CARS1: variants seen among roughly 807,000 people sequenced by gnomAD.
The protein encoded by CARS1 is cysteinyl-tRNA synthetase 1, also known as cysteine--tRNA ligase, cytoplasmic.
A neutral mutation model predicts 106.2 loss-of-function variants in CARS1; 48 were observed. That is an observed-to-expected ratio of 0.45 (90% CI 0.36 to 0.57). CARS1 has a LOEUF of 0.57. Among genes scored for constraint, CARS1 ranks in the 20% least tolerant of loss-of-function variants. The pLI is 0.00. For synonymous variants in CARS1, 409 were observed against 403.4 expected, an observed-to-expected ratio of 1.01 and a Z score of -0.17; for missense variants, 968 against 1,057.2, an observed-to-expected ratio of 0.92 and a Z score of 1.17.
intron 18 of CARS1, chr11:3,007,307 G>A (rs111240166): frequency 7.5e-4 from 271 of 363,676 alleles, no homozygotes; most frequent in Non-Finnish European, 1.2e-3. Context: ...GCAGGGGTGG[G>A]AGGGTCAGGA....
chr11:3,052,308 G>A lies in CARS1; in HGVS notation c.26-4307C>T, dbSNP rs1855781200. Among the ~76,000 whole-genome samples, 3 of 152,156 alleles carry A rather than the reference G, an allele frequency of 2.0e-5. No homozygotes were observed. The highest frequency in any genetic ancestry group is 2.0e-4 in the Admixed American group (3 of 15,268). On this transcript the variant is annotated intron_variant, in intron 1 of 22. Transcript: ENST00000380525. This position sits in a 1 kb window ranked among gnomAD's most constrained non-coding sequence, Gnocchi z 4.6. ...CTCATAACATCAGCCCTGTAAAGCT[G>A]CAGGCCATTAAGTCAAATGACACTT...
Position 3,028,728 on chromosome 11 carries a change from G to C in CARS1, c.1031+268C>G. 1 of 506,958 alleles carries C rather than the reference G, an allele frequency of 2.0e-6. No individual in the cohort carries two copies. Among genetic ancestry groups the C allele is most frequent in the Admixed American group, 3.5e-5 (1 of 28,170 alleles). The allele number at this position is 506,958 out of a possible 1,614,324, so 31.4% of individuals were successfully genotyped here. A position where few individuals can be genotyped will look rare whatever the true frequency, so the allele number is the denominator to read the frequency against. ...TCGCACTCACCATTATGCAGCTCTG[G>C]GGCCCCATGACTGATGGTCTTGGCT... On this transcript the variant is annotated intron_variant, in intron 9 of 22. Coordinates refer to ENST00000380525, the MANE Select transcript of CARS1 (RefSeq NM_001014437.3). The surrounding 1 kb of genome is among the most constrained non-coding windows in gnomAD (Gnocchi z 4.4).
At position 3,048,342 on chromosome 11, in the gene CARS1, T is replaced by C. The variant is rs1855324157; in HGVS notation, c.26-341A>G. On this transcript the variant is annotated intron_variant, in intron 1 of 22. Coordinates refer to ENST00000380525, the MANE Select transcript of CARS1 (RefSeq NM_001014437.3). This position sits in a 1 kb window ranked among gnomAD's most constrained non-coding sequence, Gnocchi z 5.1. ...ATAAATTACTTAGTTTTTACATTTT[T>C]AATTTATGTTTTCTATCAGGGAAAG... 1 of 209,420 alleles carries C rather than the reference T, an allele frequency of 4.8e-6. No homozygotes were observed. Among genetic ancestry groups the C allele is most frequent in the African/African-American group, 2.3e-5 (1 of 43,570 alleles). 13.0% of individuals were successfully genotyped at this position (209,420 alleles called of 1,614,324 possible).
chr11:3,048,106 T>G lies in CARS1; in HGVS notation c.26-105A>C. On this transcript the variant is annotated intron_variant, in intron 1 of 22. Coordinates refer to ENST00000380525, the MANE Select transcript of CARS1 (RefSeq NM_001014437.3). This position sits in a 1 kb window ranked among gnomAD's most constrained non-coding sequence, Gnocchi z 5.1. ...TGGCACAGAACCAAGGAAAAAGGTG[T>G]TCAAGCCCTTCCCTGGACGCCAAAC... is the stretch of plus-strand genomic sequence containing the variant. 1 of 1,384,942 alleles carries G rather than the reference T, an allele frequency of 7.2e-7. No homozygotes were observed. The highest frequency in any genetic ancestry group is 9.7e-7 in the Non-Finnish European group (1 of 1,026,784). The allele number at this position is 1,384,942 out of a possible 1,614,324, so 85.8% of individuals were successfully genotyped here. A position where few individuals can be genotyped will look rare whatever the true frequency, so the allele number is the denominator to read the frequency against.
At position 3,040,779 on chromosome 11, in the gene CARS1, G is replaced by A. The variant is rs1228042580; in HGVS notation, c.455+117C>T. 9.5e-7 allele frequency: 1 copy of A among 1,049,140 alleles called. No individual in the cohort carries two copies. The highest frequency in any genetic ancestry group is 1.4e-6 in the Non-Finnish European group (1 of 706,308). The allele number at this position is 1,049,140 out of a possible 1,614,324, so 65.0% of individuals were successfully genotyped here. A position where few individuals can be genotyped will look rare whatever the true frequency, so the allele number is the denominator to read the frequency against. ...TTCAGTCTTGATTCCTCAAATCTCA[G>A]GTCTCTGTAGCAGATCTAAGATCTT... On this transcript the variant is annotated intron_variant, in intron 4 of 22. Transcript: ENST00000380525. The surrounding 1 kb of genome is among the most constrained non-coding windows in gnomAD (Gnocchi z 5.8).
At chr11:3,005,551 G>A (rs1279194914) in intron 19 of CARS1, 118 bp from the exon 20 acceptor site, 5 of 675,782 alleles carry the variant, frequency 7.4e-6, no homozygotes, top group Non-Finnish European at 1.3e-5. Context: ...GTCAGAGCGA[G>A]GGCCCACAGG....
intron 2 of CARS1, among the ~76,000 whole-genome samples, chr11:3,047,112 C>T (rs1298614002): frequency 6.6e-6 from 1 of 151,922 alleles, no homozygotes; most frequent in African/African-American, 2.4e-5. Context: ...CCCGTCTCTA[C>T]TAAAAATACA....
At chr11:3,016,978 C>A (rs553160117) in intron 16 of CARS1, 128 bp downstream of exon 16, 57 of 689,574 alleles carry the variant, frequency 8.3e-5, no homozygotes, top group Non-Finnish European at 1.2e-4. Context: ...CATATCTCCA[C>A]GTCTCAGAGG....
At position 3,029,082 on chromosome 11, in the gene CARS1, A is replaced by G. The variant is rs1852417862; in HGVS notation, c.945T>C (p.Val315=). Residue 315 remains valine, a splice_region_variant and synonymous_variant, in exon 9 of 23, where the codon GTT becomes GTC. Coordinates refer to ENST00000380525, the MANE Select transcript of CARS1 (RefSeq NM_001014437.3). This position sits in a 1 kb window ranked among gnomAD's most constrained non-coding sequence, Gnocchi z 5.9. ...CCCGGGTTAAGACATCTGGAGGGAGAACCTGTGCAAGACATGAGAATGTCC... is the reference window on the plus strand; with the variant it reads ...CCCGGGTTAAGACATCTGGAGGGAGGACCTGTGCAAGACATGAGAATGTCC... ...DFHRDMEALN[V]LPPDVLTRVS... is the part of the protein sequence containing the mutation. 6.2e-7 allele frequency: 1 copy of G among 1,609,668 alleles called. No homozygotes were observed. The highest frequency in any genetic ancestry group is 2.2e-5 in the East Asian group (1 of 44,860).
rs757936361 is a variant in CARS1 at position 3,020,854 on chromosome 11, C to T, written c.1154-522G>A. Among the ~76,000 whole-genome samples, 1 of 152,138 alleles carries T rather than the reference C, an allele frequency of 6.6e-6. No individual in the cohort carries two copies. The highest frequency in any genetic ancestry group is 1.5e-5 in the Non-Finnish European group (1 of 68,028). The stretch of plus-strand genomic sequence containing the variant: ...TACTGCAGGGAACCTGGTGGCAGTG[C>T]AGTGGTGAAGGGGACATTTGCTGTT... On this transcript the variant is annotated intron_variant, in intron 10 of 22. Coordinates refer to ENST00000380525, the MANE Select transcript of CARS1 (RefSeq NM_001014437.3). This position sits in a 1 kb window ranked among gnomAD's most constrained non-coding sequence, Gnocchi z 4.6.
At position 3,052,257 on chromosome 11, in the gene CARS1, GCGGCATTT is replaced by G. The variant is rs1855775832; in HGVS notation, c.26-4264_26-4257del. Among the ~76,000 whole-genome samples, 1 of 152,128 alleles carries G rather than the reference GCGGCATTT, an allele frequency of 6.6e-6. No individual in the cohort carries two copies. The highest frequency in any genetic ancestry group is 2.1e-4 in the South Asian group (1 of 4,824). On this transcript the variant is annotated intron_variant, in intron 1 of 22. Transcript: ENST00000380525. The surrounding 1 kb of genome is among the most constrained non-coding windows in gnomAD (Gnocchi z 4.6). ...CTGAGTACCTACACTCACACACACG[GCGGCATTT>G]CCTCACGGTAAAACACGCTCATAAC...
In CARS1 at chr11:3,047,910, CT is replaced by C; in HGVS notation, c.116del (p.Gln39ArgfsTer35). 1 of 1,614,160 alleles carries C rather than the reference CT, an allele frequency of 6.2e-7. No individual in the cohort carries two copies. The highest frequency in any genetic ancestry group is 8.5e-7 in the Non-Finnish European group (1 of 1,180,024). ...NEHLSTRSYVQGYSLSQADVD... is the reference protein window; with the variant it reads ...NEHLSTRSYVXGYSLSQADVD... The stretch of plus-strand genomic sequence containing the variant: ...CGTCTGCCTGGGACAGTGAGTACCC[CT>C]GGACATAGCTACGCGTGCTGAGGTG... On this transcript the variant is annotated frameshift_variant, in exon 2 of 23. Coordinates refer to ENST00000380525, the MANE Select transcript of CARS1 (RefSeq NM_001014437.3). LOFTEE classifies it high-confidence loss of function.
chr11:3,048,067 CAG>C lies in CARS1; in HGVS notation c.26-68_26-67del. 6.3e-7 allele frequency: 1 copy of C among 1,578,182 alleles called. No individual in the cohort carries two copies. Among genetic ancestry groups the C allele is most frequent in the South Asian group, 1.1e-5 (1 of 87,976 alleles). On this transcript the variant is annotated intron_variant, in intron 1 of 22. Transcript: ENST00000380525. This position sits in a 1 kb window ranked among gnomAD's most constrained non-coding sequence, Gnocchi z 5.1. ...GGCAGCCCAGAGGCCGCCAGAAAGA[CAG>C]GGACTAGGGGATGGCACAGAACCAA...
chr11:3,018,641 C>T lies in CARS1; in HGVS notation c.1504G>A (p.Asp502Asn). Residue 502 changes from aspartate to asparagine, a missense_variant, in exon 13 of 23, where the codon GAT becomes AAT. Asp to Asn is a conservative substitution (Grantham distance 23, BLOSUM62 1). Coordinates refer to ENST00000380525, the MANE Select transcript of CARS1 (RefSeq NM_001014437.3). ...KSLKNFITIK[D>N]ALKKHSARQL... ...ATACCTGAGTGCTTTTTCAAGGCAT[C>T]TTTAATGGTGATGAAGTTTTTTAGT... The T allele has an allele frequency of 6.2e-7, 1 of 1,614,214 alleles. No individual in the cohort carries two copies. Among genetic ancestry groups the T allele is most frequent in the African/African-American group, 1.3e-5 (1 of 75,062 alleles).
Position 3,047,901 on chromosome 11 carries a change from T to G in CARS1, c.126A>C (p.Ser42=), listed in dbSNP as rs752336687. 1 of 1,614,100 alleles carries G rather than the reference T, an allele frequency of 6.2e-7. No individual in the cohort carries two copies. Among genetic ancestry groups the G allele is most frequent in the Non-Finnish European group, 8.5e-7 (1 of 1,180,000 alleles). The stretch of plus-strand genomic sequence containing the variant: ...ACGCGTCCACGTCTGCCTGGGACAG[T>G]GAGTACCCCTGGACATAGCTACGCG... ...LSTRSYVQGY[S]LSQADVDAFR... The change falls in exon 2 of 23, where the codon TCA becomes TCC. Residue 42 remains serine, a synonymous_variant. Coordinates refer to ENST00000380525, the MANE Select transcript of CARS1 (RefSeq NM_001014437.3).
At chr11:3,023,805 A>T (rs929395452) in intron 10 of CARS1, among the ~76,000 whole-genome samples, 2 of 151,862 alleles carry the variant, frequency 1.3e-5, no homozygotes, top group Non-Finnish European at 2.9e-5. Context: ...TGTTTCTTTA[A>T]TCTCTGATTT....
rs555267580 is a variant in CARS1, at chr11:3,052,127, G to T, written c.26-4126C>A. Among the ~76,000 whole-genome samples the T allele has an allele frequency of 6.6e-6, 1 of 152,332 alleles. No homozygotes were observed. Among genetic ancestry groups the T allele is most frequent in the African/African-American group, 2.4e-5 (1 of 41,570 alleles). On this transcript the variant is annotated intron_variant, in intron 1 of 22. Transcript: ENST00000380525. This position sits in a 1 kb window ranked among gnomAD's most constrained non-coding sequence, Gnocchi z 4.6. Reference sequence around the variant, plus strand: ...TGAGAAAAACATCAAATGTCCTAACGGCGGCTGCAGTGGCTTTTGAGCGCT... The same window carrying T: ...TGAGAAAAACATCAAATGTCCTAACTGCGGCTGCAGTGGCTTTTGAGCGCT...
In CARS1 at chr11:3,034,117, G is replaced by C. The variant is rs908278497; in HGVS notation, c.801+3933C>G. 1.3e-5 allele frequency among the ~76,000 whole-genome samples: 2 copies of C among 152,158 alleles called. No homozygotes were observed. The highest frequency in any genetic ancestry group is 2.9e-5 in the Non-Finnish European group (2 of 68,032). On this transcript the variant is annotated intron_variant, in intron 7 of 22. Coordinates refer to ENST00000380525, the MANE Select transcript of CARS1 (RefSeq NM_001014437.3). The surrounding 1 kb of genome is among the most constrained non-coding windows in gnomAD (Gnocchi z 6.3). ...AATTTGACCAACAGAACAGAATTAA[G>C]AGACACAAACACATGCCAACATGTA...
intron 18 of CARS1, among the ~76,000 whole-genome samples, chr11:3,011,376 C>T (rs569616335): frequency 1.3e-5 from 2 of 151,798 alleles, no homozygotes; most frequent in East Asian, 3.9e-4. Context: ...GAGGCCGAGG[C>T]GGGTGGATCA....
Sources: allele counts gnomAD v4.1 joint callset (sites outside exome capture counted in the v4.1 genomes callset), GRCh38; gene constraint gnomAD v4.1.1; non-coding constraint Gnocchi (gnomAD v3.1); transcripts MANE v1.5; gene names NCBI Gene and HGNC (gene_info 2026-07-23, HGNC 2026-07-21).